Variants in WDR41 observed in about 807,000 individuals in gnomAD.
The protein encoded by WDR41 is WD repeat domain 41.
A neutral mutation model predicts 69.3 loss-of-function variants in WDR41; 63 were observed. The ratio of observed to expected loss-of-function variants is 0.91; its 90% CI spans 0.74 to 1.12. The LOEUF is 1.12. Ranked by LOEUF, WDR41 falls within the 50% of genes most tolerant of loss-of-function variation. The probability of loss-of-function intolerance (pLI) is 0.00; values close to 1 mark genes in which losing one functional copy is unlikely to be tolerated. For synonymous variants in WDR41, 185 were observed against 192.1 expected (o/e 0.96, Z 0.31); for missense variants, 543 against 534.5 (o/e 1.02, Z -0.16).
chr5:77,489,758 T>G (rs1267865336), intron 1 of WDR41, among the ~76,000 whole-genome samples, 186 bp from the exon 2 acceptor site: 1 of 152,198 alleles, frequency 6.6e-6, no homozygotes, highest in Non-Finnish European at 1.5e-5. Flanking sequence ...TAACTGCCAG[T>G]TCCACATAAA....
intron 1 of WDR41, among the ~76,000 whole-genome samples, chr5:77,536,754 A>G (rs1423572363): frequency 1.3e-5 from 2 of 152,192 alleles, no homozygotes; most frequent in Non-Finnish European, 2.9e-5. Context: ...AATAGGCTGT[A>G]CCGTGTAGCC....
intron 1 of WDR41, among the ~76,000 whole-genome samples, chr5:77,584,662 C>G (rs1462063111): frequency 6.6e-6 from 1 of 152,028 alleles, no homozygotes; most frequent in Non-Finnish European, 1.5e-5. Context: ...GGATAATTAG[C>G]AAGCCAAATA....
At position 77,430,964 on chromosome 5, in the gene WDR41, A is replaced by G. The variant is rs1798699796; in HGVS notation, c.*2171T>C. 6.6e-6 allele frequency: 1 copy of G among 152,146 alleles called. No individual in the cohort carries two copies. Among genetic ancestry groups the G allele is most frequent in the Non-Finnish European group, 1.5e-5 (1 of 68,026 alleles). 9.4% of individuals were successfully genotyped at this position (152,146 alleles called of 1,614,324 possible). ...GCTGTAATCTCATGATCAAACTTTA[A>G]TAGATGAGAAGTTGCTTAAGAATGT... On this transcript the variant is annotated 3_prime_UTR_variant, in exon 13 of 13. Coordinates refer to ENST00000296679, the MANE Select transcript of WDR41 (RefSeq NM_018268.4).
chr5:77,527,264 A>G (rs1023092279), intron 1 of WDR41, among the ~76,000 whole-genome samples: 1 of 151,998 alleles, frequency 6.6e-6, no homozygotes, highest in Non-Finnish European at 1.5e-5. Flanking sequence ...CACATTAAGA[A>G]GGATTTTACA....
chr5:77,478,660 T>C (rs1192371379), intron 2 of WDR41, among the ~76,000 whole-genome samples: 3 of 152,154 alleles, frequency 2.0e-5, no homozygotes, highest in Non-Finnish European at 4.4e-5. Context: ...AAATTAGGTA[T>C]GGATGGGACG....
chr5:77,449,946 GCATTT>G, intron 7 of WDR41, 76 bp from the exon 8 acceptor site: 1 of 1,013,902 alleles, frequency 9.9e-7, no homozygotes. Flanking sequence ...CTAAAAACAA[GCATTT>G]CATTAAGTGA....
intron 6 of WDR41, chr5:77,452,996 C>A (rs1237432554): frequency 2.0e-5 from 3 of 152,104 alleles, no homozygotes; most frequent in Admixed American, 6.6e-5. Context: ...TAGATTTGAG[C>A]AAGACTATTA....
intron 1 of WDR41, among the ~76,000 whole-genome samples, chr5:77,581,653 T>C (rs1455894828): frequency 6.6e-6 from 1 of 152,162 alleles, no homozygotes; most frequent in Non-Finnish European, 1.5e-5. Context: ...ACAGTGTATG[T>C]TCTCCAACCA....
chr5:77,497,043 C>T (rs335659), upstream of WDR41, among the ~76,000 whole-genome samples: 4,839 of 152,160 alleles, frequency 0.032, 203 homozygotes, highest in South Asian at 0.19. Context: ...TGGATCTCTA[C>T]ACATAAAAGA....
intron 1 of WDR41, among the ~76,000 whole-genome samples, chr5:77,523,200 G>A (rs964064351): frequency 2.3e-4 from 35 of 151,752 alleles, no homozygotes; most frequent in African/African-American, 8.0e-4. Context: ...TGTAATCCCA[G>A]CTGCTTGGGA....
chr5:77,470,954 C>A (rs541316892), intron 2 of WDR41, among the ~76,000 whole-genome samples: 44 of 152,274 alleles, frequency 2.9e-4, no homozygotes, highest in African/African-American at 1.0e-3. Context: ...ACTCTCCACC[C>A]CAAATCAACA....
At chr5:77,588,974 A>G (rs1744087063) in intron 1 of WDR41, among the ~76,000 whole-genome samples, 1 of 152,194 alleles carries the variant, frequency 6.6e-6, no homozygotes, top group Non-Finnish European at 1.5e-5. Flanking sequence ...CCATTTAAAT[A>G]GCAAAATCAT....
At chr5:77,462,409 CAAAAAA>C (rs10670808) in intron 4 of WDR41, among the ~76,000 whole-genome samples, 4 of 102,446 alleles carry the variant, frequency 3.9e-5, no homozygotes, top group Admixed American at 1.1e-4. Flanking sequence ...AACTCCGTCT[CAAAAAA>C]AAAAAAAAAA....
At position 77,439,005 on chromosome 5, in the gene WDR41, A is replaced by G. The variant is rs377435297; in HGVS notation, c.883-644T>C. Among the ~76,000 whole-genome samples the G allele has an allele frequency of 2.0e-4, 30 of 152,342 alleles. 1 individual carries two copies. The highest frequency in any genetic ancestry group is 7.2e-4 in the African/African-American group (30 of 41,578). On this transcript the variant is annotated intron_variant, in intron 9 of 12. Coordinates refer to ENST00000296679, the MANE Select transcript of WDR41 (RefSeq NM_018268.4). ...CATCGTGTTAAGAAAGGCAAGCATCATTGCCATTTTCCAGATAAGGAATTT... is the reference window on the plus strand; with the variant it reads ...CATCGTGTTAAGAAAGGCAAGCATCGTTGCCATTTTCCAGATAAGGAATTT...
At position 77,431,176 on chromosome 5, in the gene WDR41, T is replaced by C. The variant is rs1165533656; in HGVS notation, c.*1959A>G. 5.3e-5 allele frequency: 8 copies of C among 152,218 alleles called. No homozygotes were observed. The highest frequency in any genetic ancestry group is 1.9e-4 in the African/African-American group (8 of 41,466). The allele number at this position is 152,218 out of a possible 1,614,324, so 9.4% of individuals were successfully genotyped here. A position where few individuals can be genotyped will look rare whatever the true frequency, so the allele number is the denominator to read the frequency against. Reference sequence around the variant, plus strand: ...TGGGTAAAATGCTATTAAATAGTATTACATGTTACAGAGATCTCATTTGTG... The same window carrying C: ...TGGGTAAAATGCTATTAAATAGTATCACATGTTACAGAGATCTCATTTGTG... On this transcript the variant is annotated 3_prime_UTR_variant, in exon 13 of 13. Coordinates refer to ENST00000296679, the MANE Select transcript of WDR41 (RefSeq NM_018268.4).
chr5:77,532,753 T>C (rs908028482), intron 1 of WDR41, among the ~76,000 whole-genome samples: 3 of 151,958 alleles, frequency 2.0e-5, no homozygotes, highest in African/African-American at 7.2e-5. Flanking sequence ...AATTATACAG[T>C]AAATATTTTA....
chr5:77,572,896 G>A (rs1276771258), intron 1 of WDR41, among the ~76,000 whole-genome samples: 9 of 152,092 alleles, frequency 5.9e-5, no homozygotes, highest in Non-Finnish European at 1.2e-4. Flanking sequence ...CAAACCCAAC[G>A]GTGATGTATA....
intron 1 of WDR41, among the ~76,000 whole-genome samples, chr5:77,590,334 G>A (rs749166564): frequency 6.6e-6 from 1 of 152,116 alleles, no homozygotes; most frequent in Admixed American, 6.6e-5. Context: ...AGGTTCACAT[G>A]ACTGAGCATA....
chr5:77,517,493 C>T (rs1412726963), intron 1 of WDR41, among the ~76,000 whole-genome samples: 2 of 152,140 alleles, frequency 1.3e-5, no homozygotes, highest in Non-Finnish European at 2.9e-5. Flanking sequence ...TGAACATGTG[C>T]ATATGAACCA....
Sources: gnomAD v4.1 joint callset for allele counts (sites outside exome capture counted in the v4.1 genomes callset) on GRCh38, gnomAD v4.1.1 for gene constraint, MANE v1.5 for transcripts, NCBI Gene and HGNC (gene_info 2026-07-23, HGNC 2026-07-21) for gene names.